Variants in INPP5A observed in about 807,000 individuals in gnomAD.
The protein encoded by INPP5A is 43 kDa inositol polyphosphate 5-phophatase.
INPP5A carries 14 observed loss-of-function variants against 65.2 expected under a neutral mutation model. The ratio of observed to expected loss-of-function variants is 0.21; its 90% CI spans 0.14 to 0.34. The LOEUF is 0.34. Among genes scored for constraint, INPP5A ranks in the 10% least tolerant of loss-of-function variants. The pLI is 1.00. For synonymous variants in INPP5A, 207 were observed against 208.3 expected, an observed-to-expected ratio of 0.99 and a Z score of 0.05; for missense variants, 431 against 545.6, an observed-to-expected ratio of 0.79 and a Z score of 2.09.
rs1196866422 is a variant in INPP5A at position 132,719,115 on chromosome 10, A to G, written c.648-7706A>G. On this transcript the variant is annotated intron_variant, in intron 8 of 15. Coordinates refer to ENST00000368594, the MANE Select transcript of INPP5A (RefSeq NM_005539.5). ...GGGTTCTGTCTGGGCACCTTAGACG[A>G]CTGTCTTCAGGGTTCTGTGGTACCT... Among the ~76,000 whole-genome samples, 544 of 79,290 alleles carry G rather than the reference A, an allele frequency of 6.9e-3. 3 individuals carry two copies. The highest frequency in any genetic ancestry group is 0.032 in the Middle Eastern group (3 of 94). The allele number at this position is 79,290 out of a possible 152,430, so 52.0% of individuals were successfully genotyped here.
intron 1 of INPP5A, among the ~76,000 whole-genome samples, chr10:132,544,672 G>T (rs1027924685): frequency 2.0e-5 from 3 of 151,988 alleles, no homozygotes; most frequent in Non-Finnish European, 1.5e-5. Flanking sequence ...GCATCATTTC[G>T]GGTCGGTCCT....
chr10:132,651,596 C>T lies in INPP5A; in HGVS notation c.306+1091C>T, dbSNP rs571474723. On this transcript the variant is annotated intron_variant, in intron 4 of 15. Transcript: ENST00000368594. This position sits in a 1 kb window ranked among gnomAD's most constrained non-coding sequence, Gnocchi z 5.0. ...TGTCCCCAGCATCAGCGCCCACTAG[C>T]CGTCATTGCGCCGTCACGTGACAGG... Among the ~76,000 whole-genome samples, 2 of 152,220 alleles carry T rather than the reference C, an allele frequency of 1.3e-5. No homozygotes were observed. Among genetic ancestry groups the T allele is most frequent in the Non-Finnish European group, 2.9e-5 (2 of 68,030 alleles).
chr10:132,616,255 C>A lies in INPP5A; in HGVS notation c.117+8299C>A, dbSNP rs2072031644. ...GCAGCTGCAGTGGGAGGTGCCTGTG[C>A]TTTGTTGGTTGTGAACAAGCATCCA... is the stretch of plus-strand genomic sequence containing the variant. On this transcript the variant is annotated intron_variant, in intron 2 of 15. Transcript: ENST00000368594. The surrounding 1 kb of genome is among the most constrained non-coding windows in gnomAD (Gnocchi z 4.9). 6.6e-6 allele frequency among the ~76,000 whole-genome samples: 1 copy of A among 152,176 alleles called. No homozygotes were observed. The highest frequency in any genetic ancestry group is 2.1e-4 in the South Asian group (1 of 4,834).
intron 1 of INPP5A, among the ~76,000 whole-genome samples, chr10:132,606,697 G>A (rs2071857917): frequency 6.6e-6 from 1 of 152,254 alleles, no homozygotes; most frequent in African/African-American, 2.4e-5. Context: ...TTGTGTTTGC[G>A]TGGGCGCGGA....
intron 9 of INPP5A, among the ~76,000 whole-genome samples, chr10:132,732,265 G>A (rs1334654784): frequency 6.6e-6 from 1 of 152,256 alleles, no homozygotes; most frequent in East Asian, 1.9e-4. Context: ...AAACTGGATT[G>A]TTTACTCAGC....
At chr10:132,719,048 C>T (rs1205613043) in intron 8 of INPP5A, among the ~76,000 whole-genome samples, 36 of 148,018 alleles carry the variant, frequency 2.4e-4, no homozygotes, top group Admixed American at 2.4e-3. Flanking sequence ...TGGGTTCTGT[C>T]TGGGCGCCTT....
At chr10:132,700,191 A>G (rs929462096) in intron 6 of INPP5A, among the ~76,000 whole-genome samples, 2 of 152,236 alleles carry the variant, frequency 1.3e-5, no homozygotes, top group Non-Finnish European at 2.9e-5. Flanking sequence ...CACATTCTGG[A>G]AAGTAGACGA....
chr10:132,574,481 G>T (rs1049815441), intron 1 of INPP5A, among the ~76,000 whole-genome samples: 6 of 151,844 alleles, frequency 4.0e-5, no homozygotes, highest in Admixed American at 3.3e-4. Context: ...CCTGTGTGAG[G>T]TTTTGTTGAG....
intron 11 of INPP5A, 28 bp downstream of exon 11, chr10:132,749,873 C>T (rs1378005550): frequency 1.3e-6 from 2 of 1,598,734 alleles, no homozygotes; most frequent in Non-Finnish European, 1.7e-6. Context: ...TGTGGCAGCT[C>T]CCCCGTCCTG....
intron 1 of INPP5A, among the ~76,000 whole-genome samples, chr10:132,586,688 G>A (rs976065921): frequency 6.6e-6 from 1 of 152,248 alleles, no homozygotes; most frequent in African/African-American, 2.4e-5. Flanking sequence ...TGGTGATGGC[G>A]CTGCTGGTGA....
Position 132,698,409 on chromosome 10 carries a change from C to T in INPP5A, c.474+490C>T, listed in dbSNP as rs1263749064. Among the ~76,000 whole-genome samples, 1 of 152,214 alleles carries T rather than the reference C, an allele frequency of 6.6e-6. No individual in the cohort carries two copies. The highest frequency in any genetic ancestry group is 2.4e-5 in the African/African-American group (1 of 41,438). On this transcript the variant is annotated intron_variant, in intron 6 of 15. Transcript: ENST00000368594. This position sits in a 1 kb window ranked among gnomAD's most constrained non-coding sequence, Gnocchi z 5.5. ...TCCCGGCAGTTATGCCTGCGTCACA[C>T]GGAGAGATTAGAATCAAAATGTGTG...
At chr10:132,561,151 C>A (rs2071199878) in intron 1 of INPP5A, among the ~76,000 whole-genome samples, 1 of 151,064 alleles carries the variant, frequency 6.6e-6, no homozygotes, top group African/African-American at 2.4e-5. Flanking sequence ...CAACCTCGAC[C>A]TCCTGGGCTC....
At position 132,678,172 on chromosome 10, in the gene INPP5A, C is replaced by CT. The variant is rs1194072634; in HGVS notation, c.307-12219dup. Among the ~76,000 whole-genome samples the CT allele has an allele frequency of 2.6e-5, 4 of 152,160 alleles. No individual in the cohort carries two copies. Among genetic ancestry groups the CT allele is most frequent in the Non-Finnish European group, 5.9e-5 (4 of 68,038 alleles). ...ATTTTGTGGTGGTCACGGAGCTCCT[C>CT]TGAGAGCGGACGGTCACAGCCCCCC... On this transcript the variant is annotated intron_variant, in intron 4 of 15. Transcript: ENST00000368594. This position sits in a 1 kb window ranked among gnomAD's most constrained non-coding sequence, Gnocchi z 4.1.
At chr10:132,764,184 G>C (rs918061914) in intron 11 of INPP5A, among the ~76,000 whole-genome samples, 1 of 152,282 alleles carries the variant, frequency 6.6e-6, no homozygotes, top group Non-Finnish European at 1.5e-5. Flanking sequence ...GGTAATGACT[G>C]TGTGCATGAG....
At position 132,538,636 on chromosome 10, in the gene INPP5A, C is replaced by G. The variant is rs572274174; in HGVS notation, c.75+465C>G. Among the ~76,000 whole-genome samples the G allele has an allele frequency of 2.0e-4, 31 of 152,190 alleles. No individual in the cohort carries two copies. Among genetic ancestry groups the G allele is most frequent in the Non-Finnish European group, 3.7e-4 (25 of 68,036 alleles). On this transcript the variant is annotated intron_variant, in intron 1 of 15. Coordinates refer to ENST00000368594, the MANE Select transcript of INPP5A (RefSeq NM_005539.5). This position sits in a 1 kb window ranked among gnomAD's most constrained non-coding sequence, Gnocchi z 4.1. ...GGCCCTGGAATGCCCATCCCCAACCCTGGCCCTGAACCCCAGGTCCATGGT... is the reference window on the plus strand; with the variant it reads ...GGCCCTGGAATGCCCATCCCCAACCGTGGCCCTGAACCCCAGGTCCATGGT...
chr10:132,769,651 A>G (rs1846914455), intron 12 of INPP5A, among the ~76,000 whole-genome samples: 1 of 152,238 alleles, frequency 6.6e-6, no homozygotes. Context: ...ATGCGGGGTC[A>G]GGTGGCGTCA....
Position 132,781,874 on chromosome 10 carries a change from C to T in INPP5A, c.1172C>T (p.Ala391Val), listed in dbSNP as rs1195507129. The change falls in exon 15 of 16, where the codon GCC becomes GTC. Residue 391 changes from alanine (A) to valine (V), a missense_variant. Coordinates refer to ENST00000368594, the MANE Select transcript of INPP5A (RefSeq NM_005539.5). The part of the protein sequence containing the change: ...CMGDHKPVFL[A>V]FRIMPGAGKP... ...TTCCTGCTGCAGCCCGTGTTCCTGGCCTTCCGAATCATGCCCGGGGCAGGT... is the reference window on the plus strand; with the variant it reads ...TTCCTGCTGCAGCCCGTGTTCCTGGTCTTCCGAATCATGCCCGGGGCAGGT... 6.2e-7 allele frequency: 1 copy of T among 1,613,706 alleles called. No individual in the cohort carries two copies. Among genetic ancestry groups the T allele is most frequent in the African/African-American group, 1.3e-5 (1 of 75,058 alleles).
chr10:132,726,338 C>G (rs992005010), intron 8 of INPP5A, among the ~76,000 whole-genome samples: 1 of 152,250 alleles, frequency 6.6e-6, no homozygotes, highest in African/African-American at 2.4e-5. Flanking sequence ...CCTGCCGGTT[C>G]ACCTGCACGC....
intron 11 of INPP5A, among the ~76,000 whole-genome samples, chr10:132,760,346 G>A (rs1250629799): frequency 6.6e-6 from 1 of 152,250 alleles, no homozygotes; most frequent in Non-Finnish European, 1.5e-5. Context: ...GTCGGACGCT[G>A]TGCCGCACGC....
Sources: gnomAD v4.1 joint callset for allele counts (sites outside exome capture counted in the v4.1 genomes callset) on GRCh38, gnomAD v4.1.1 for gene constraint, Gnocchi (gnomAD v3.1) non-coding constraint, MANE v1.5 for transcripts, NCBI Gene and HGNC (gene_info 2026-07-23, HGNC 2026-07-21) for gene names.